THOP1: variants seen among roughly 807,000 people sequenced by gnomAD.
THOP1 encodes thimet oligopeptidase.
Under a neutral mutation model 71.8 loss-of-function variants are expected in THOP1, and 49 were observed. The observed-to-expected ratio is 0.68, with a 90% CI of 0.54 to 0.87. The LOEUF is 0.87. Among genes scored for constraint, THOP1 ranks in the 40% least tolerant of loss-of-function variants. THOP1 has a pLI of 0.00. For synonymous variants in THOP1, 426 were observed against 421.5 expected (o/e 1.01, Z -0.13); for missense variants, 843 against 975.6 (o/e 0.86, Z 1.81).
At chr19:2,800,287 G>A (rs1001771691) in intron 5 of THOP1, among the ~76,000 whole-genome samples, 2 of 152,358 alleles carry the variant, frequency 1.3e-5, no homozygotes, top group African/African-American at 4.8e-5. Context: ...CCGGGTTCAA[G>A]TGATTCTCCT....
At position 2,811,746 on chromosome 19, in the gene THOP1, CTGGGGA is replaced by C. The variant is rs1916471495; in HGVS notation, c.1908+13_1908+18del. On this transcript the variant is annotated intron_variant, in intron 12 of 12. Coordinates refer to ENST00000307741, the MANE Select transcript of THOP1 (RefSeq NM_003249.5). ...TCCTGAACAGCAAGGTACGCGGGGA[CTGGGGA>C]CAGGGAGGGCGTCCTGAACGGCAAG... is the stretch of plus-strand genomic sequence containing the variant. The C allele has an allele frequency of 3.4e-5, 53 of 1,571,720 alleles. No individual in the cohort carries two copies. Among genetic ancestry groups the C allele is most frequent in the African/African-American group, 2.9e-4 (20 of 70,056 alleles).
At chr19:2,789,213 T>A (rs1414101904) in intron 1 of THOP1, among the ~76,000 whole-genome samples, 1 of 152,230 alleles carries the variant, frequency 6.6e-6, no homozygotes, top group African/African-American at 2.4e-5. Flanking sequence ...GCTGGTCCCC[T>A]GGGTCCTCTG....
chr19:2,812,467 T>A, intron 12 of THOP1: 1 of 1,355,314 alleles, frequency 7.4e-7, no homozygotes, highest in Non-Finnish European at 9.6e-7. Context: ...AAGCCCCCTG[T>A]CTTCACAGCC....
At chr19:2,807,106 C>G (rs1916312416) in intron 7 of THOP1, 54 bp downstream of exon 7, 1 of 1,559,914 alleles carries the variant, frequency 6.4e-7, no homozygotes, top group African/African-American at 1.4e-5. Context: ...TTCTCAGGGT[C>G]ACCCCAGGGG....
intron 10 of THOP1, 54 bp from the exon 11 acceptor site, chr19:2,810,586 C>T (rs538848268): frequency 1.3e-6 from 2 of 1,532,712 alleles, no homozygotes; most frequent in South Asian, 1.2e-5. Flanking sequence ...GAGCTCTGGG[C>T]AGAGTGGGCC....
rs926540665 is a variant in THOP1 at position 2,789,563 on chromosome 19, G to C, written c.17-858G>C. Among the ~76,000 whole-genome samples, 28 of 152,230 alleles carry C rather than the reference G, an allele frequency of 1.8e-4. No individual in the cohort carries two copies. The East Asian group carries it at 5.4e-3, about 29-fold the overall frequency. ...GGAGGCCTGCTTGTTCCCCCCACTG[G>C]GTGTGGGGTGTGGAAGAAGCAGACA... On this transcript the variant is annotated intron_variant, in intron 1 of 12. Coordinates refer to ENST00000307741, the MANE Select transcript of THOP1 (RefSeq NM_003249.5).
intron 2 of THOP1, among the ~76,000 whole-genome samples, 172 bp from the exon 3 acceptor site, chr19:2,794,592 C>G (rs935302475): frequency 1.3e-5 from 2 of 152,160 alleles, no homozygotes; most frequent in African/African-American, 4.8e-5. Context: ...CAGGGCCCAG[C>G]CTGGAGGGGA....
intron 5 of THOP1, among the ~76,000 whole-genome samples, chr19:2,800,563 TG>T (rs997906101): frequency 2.0e-5 from 3 of 152,230 alleles, no homozygotes; most frequent in Admixed American, 2.0e-4. Context: ...AGGTGGTGGG[TG>T]GGGACAAGGC....
At chr19:2,813,049 C>CCCCTGGGG in intron 12 of THOP1, 66 bp from the exon 13 acceptor site, 1 of 1,520,070 alleles carries the variant, frequency 6.6e-7, no homozygotes, top group Non-Finnish European at 8.9e-7. Flanking sequence ...GGTGTGCAGA[C>CCCCTGGGG]TCCTGGGGTC....
chr19:2,795,518 T>A (rs1736179), intron 3 of THOP1, among the ~76,000 whole-genome samples: 68,114 of 152,156 alleles, frequency 0.45, 17,726 homozygotes, highest in African/African-American at 0.72. Flanking sequence ...AGTCTCAGGA[T>A]CATGCAGCCC....
intron 1 of THOP1, among the ~76,000 whole-genome samples, chr19:2,787,460 CAGG>C (rs1438534871): frequency 2.0e-5 from 3 of 152,202 alleles, no homozygotes; most frequent in Admixed American, 1.3e-4. Flanking sequence ...CTAACTCCTG[CAGG>C]AGAATTTTCT....
At position 2,807,468 on chromosome 19, in the gene THOP1, C is replaced by G; in HGVS notation, c.913C>G (p.Leu305Val). 1 of 1,602,516 alleles carries G rather than the reference C, an allele frequency of 6.2e-7. No homozygotes were observed. Among genetic ancestry groups the G allele is most frequent in the Non-Finnish European group, 8.5e-7 (1 of 1,173,674 alleles). ...TGAGCTGGCGCAGAAGCTGAAGCCC[C>G]TGGGGGAGCAGGAGCGTGCGGTGAT... Reference protein sequence around the residue: ...LDELAQKLKPLGEQERAVILE... With the variant: ...LDELAQKLKPVGEQERAVILE... Residue 305 changes from leucine to valine, a missense_variant, in exon 8 of 13, where the codon CTG becomes GTG. Leu to Val is a conservative substitution (Grantham distance 32, BLOSUM62 1). Transcript: ENST00000307741.
At chr19:2,812,038 C>A in intron 12 of THOP1, 1 of 1,079,504 alleles carries the variant, frequency 9.3e-7, no homozygotes, top group East Asian at 2.8e-5. Context: ...AAGCTCCACA[C>A]TGGCCCCTCA....
Position 2,804,668 on chromosome 19 carries a change from G to A in THOP1, c.590-348G>A, listed in dbSNP as rs559677320. Reference sequence around the variant, plus strand: ...CTTCACACATGAGGTTGGTGACGGCGCCCTGGAAGCCCACGATGTCCGGGG... The same window carrying A: ...CTTCACACATGAGGTTGGTGACGGCACCCTGGAAGCCCACGATGTCCGGGG... On this transcript the variant is annotated intron_variant, in intron 5 of 12. Coordinates refer to ENST00000307741, the MANE Select transcript of THOP1 (RefSeq NM_003249.5). This position sits in a 1 kb window ranked among gnomAD's most constrained non-coding sequence, Gnocchi z 4.7. The A allele has an allele frequency of 2.2e-3, 451 of 205,720 alleles. 1 individual carries two copies. The highest frequency in any genetic ancestry group is 0.01 in the African/African-American group (431 of 42,964). 12.7% of individuals were successfully genotyped at this position (205,720 alleles called of 1,614,324 possible).
chr19:2,790,190 C>T (rs923307257), intron 1 of THOP1, among the ~76,000 whole-genome samples: 2 of 152,200 alleles, frequency 1.3e-5, no homozygotes, highest in Admixed American at 1.3e-4. Flanking sequence ...TCTGCAACCG[C>T]GACAGCCACA....
chr19:2,789,354 G>A (rs987826607), intron 1 of THOP1, among the ~76,000 whole-genome samples: 1 of 152,140 alleles, frequency 6.6e-6, no homozygotes, highest in Admixed American at 6.5e-5. Context: ...TCACATAGTC[G>A]CCCTTCCCGC....
Position 2,811,476 on chromosome 19 carries a change from G to A in THOP1, c.1772-122G>A, listed in dbSNP as rs1252911784. On this transcript the variant is annotated intron_variant, in intron 11 of 12. Transcript: ENST00000307741. ...TATCCAGCTGGTCTCGGCCCTCACC[G>A]TGATCCTCCAGCTTCTCCCTGTTCC... 4.5e-5 allele frequency: 62 copies of A among 1,369,720 alleles called. No individual in the cohort carries two copies. The Middle Eastern group carries it at 8.6e-4, about 19-fold the overall frequency. The allele number at this position is 1,369,720 out of a possible 1,614,324, so 84.8% of individuals were successfully genotyped here.
At chr19:2,809,979 C>T in intron 9 of THOP1, 1 of 407,508 alleles carries the variant, frequency 2.5e-6, no homozygotes, top group Non-Finnish European at 4.4e-6. Context: ...CCACCCGGAC[C>T]TGGCCGTCCC....
At chr19:2,803,617 C>T (rs1039615780) in intron 5 of THOP1, among the ~76,000 whole-genome samples, 1 of 152,218 alleles carries the variant, frequency 6.6e-6, no homozygotes, top group Non-Finnish European at 1.5e-5. Context: ...GACACACTGT[C>T]GAGATGGAGA....
Sources: gnomAD v4.1 joint callset for allele counts (sites outside exome capture counted in the v4.1 genomes callset) on GRCh38, gnomAD v4.1.1 for gene constraint, Gnocchi (gnomAD v3.1) non-coding constraint, MANE v1.5 for transcripts, NCBI Gene and HGNC (gene_info 2026-07-23, HGNC 2026-07-21) for gene names.